CNTLN: variants seen among roughly 807,000 people sequenced by gnomAD.
The protein encoded by CNTLN is centlein, also known as centlein, centrosomal protein.
A neutral mutation model predicts 180.0 loss-of-function variants in CNTLN; 212 were observed. The observed-to-expected ratio is 1.18, with a 90% CI of 1.05 to 1.32. CNTLN has a LOEUF of 1.32. Ranked by LOEUF, CNTLN falls within the 40% of genes most tolerant of loss-of-function variation. The pLI is 0.00. For missense variants in CNTLN, 2,095 were observed against 1,610.9 expected (o/e 1.30, Z -5.14); for synonymous variants, 722 against 563.1 (o/e 1.28, Z -3.99).
At chr9:17,402,646 T>G (rs1328090301) in intron 15 of CNTLN, among the ~76,000 whole-genome samples, 1 of 151,850 alleles carries the variant, frequency 6.6e-6, no homozygotes, top group Non-Finnish European at 1.5e-5. Context: ...GAATAGAATA[T>G]AAAGAATGGC....
intron 5 of CNTLN, among the ~76,000 whole-genome samples, chr9:17,247,825 C>G (rs1437473537): frequency 3.2e-4 from 37 of 114,862 alleles, no homozygotes; most frequent in African/African-American, 1.3e-3. Flanking sequence ...TGTGGTTTCT[C>G]TGTTCTTTCT....
At chr9:17,263,682 C>G (rs905105953) in intron 5 of CNTLN, among the ~76,000 whole-genome samples, 1 of 143,186 alleles carries the variant, frequency 7.0e-6, no homozygotes, top group Non-Finnish European at 1.5e-5. Flanking sequence ...GTTCCTATTT[C>G]TGCACATCCT....
At chr9:17,500,977 A>G (rs1439614944) in intron 25 of CNTLN, among the ~76,000 whole-genome samples, 1 of 152,190 alleles carries the variant, frequency 6.6e-6, no homozygotes, top group African/African-American at 2.4e-5. Flanking sequence ...TGCTTTTATC[A>G]TTATCCTCCA....
Position 17,223,532 on chromosome 9 carries a change from ACATT to A in CNTLN, c.450-2669_450-2666del, listed in dbSNP as rs1463762714. Among the ~76,000 whole-genome samples, 10 of 151,972 alleles carry A rather than the reference ACATT, an allele frequency of 6.6e-5. 1 individual carries two copies. The highest frequency in any genetic ancestry group is 1.2e-4 in the Non-Finnish European group (8 of 67,954). The stretch of plus-strand genomic sequence containing the variant: ...AGTTGTGTAGGCAAAAGCTTGGGAG[ACATT>A]CCTCACTTTTCTATCAAGAAATCCT... On this transcript the variant is annotated intron_variant, in intron 2 of 25. Transcript: ENST00000380647.
At chr9:17,485,410 A>C (rs80079812) in intron 24 of CNTLN, among the ~76,000 whole-genome samples, 4,257 of 152,248 alleles carry the variant, frequency 0.028, 188 homozygotes, top group African/African-American at 0.097. Flanking sequence ...TATTATTTTC[A>C]TCCAGTGGGT....
chr9:17,478,466 A>G (rs1832470392), intron 23 of CNTLN, among the ~76,000 whole-genome samples: 1 of 152,102 alleles, frequency 6.6e-6, no homozygotes, highest in South Asian at 2.1e-4. Flanking sequence ...CATTTCTAAA[A>G]AAATCATTGT....
chr9:17,404,318 G>A (rs141184401), intron 15 of CNTLN, among the ~76,000 whole-genome samples: 1,659 of 151,780 alleles, frequency 0.011, 81 homozygotes, highest in African/African-American at 0.038. Flanking sequence ...TTAGGTTGGC[G>A]TGGCCGCTGT....
chr9:17,348,773 A>G (rs906905751), intron 12 of CNTLN, among the ~76,000 whole-genome samples: 2 of 151,902 alleles, frequency 1.3e-5, no homozygotes, highest in African/African-American at 4.8e-5. Context: ...CAAGTAATCC[A>G]CTTGCCTTGG....
Position 17,308,968 on chromosome 9 carries a change from A to G in CNTLN, c.1147-90A>G, listed in dbSNP as rs1264529824. On this transcript the variant is annotated intron_variant, in intron 7 of 25. Transcript: ENST00000380647. ...GGCAAGAACTGTGTTTATACAGTTC[A>G]TATGTATATATACACACACACACAC... is the stretch of plus-strand genomic sequence containing the variant. 2.4e-5 allele frequency: 14 copies of G among 582,372 alleles called. No individual in the cohort carries two copies. In the East Asian group the frequency reaches 4.2e-4, roughly 18 times the overall value. 36.1% of individuals were successfully genotyped at this position (582,372 alleles called of 1,614,324 possible).
intron 2 of CNTLN, among the ~76,000 whole-genome samples, chr9:17,213,211 C>G (rs1429112095): frequency 1.3e-5 from 2 of 152,204 alleles, no homozygotes; most frequent in Non-Finnish European, 2.9e-5. Context: ...AAATTTCCCT[C>G]TACACACTGC....
intron 6 of CNTLN, among the ~76,000 whole-genome samples, chr9:17,291,765 C>T (rs1829427242): frequency 6.6e-6 from 1 of 152,160 alleles, no homozygotes; most frequent in African/African-American, 2.4e-5. Context: ...ATCCAGCTTG[C>T]CATTCTGTGT....
intron 5 of CNTLN, among the ~76,000 whole-genome samples, chr9:17,268,733 G>C (rs972900549): frequency 3.9e-5 from 6 of 152,022 alleles, no homozygotes; most frequent in African/African-American, 1.4e-4. Context: ...AATCAAGCCT[G>C]GGCAATGGCA....
At position 17,332,688 on chromosome 9, in the gene CNTLN, T is replaced by C; in HGVS notation, c.1602T>C (p.Ala534=). 1 of 1,606,756 alleles carries C rather than the reference T, an allele frequency of 6.2e-7. No individual in the cohort carries two copies. Among genetic ancestry groups the C allele is most frequent in the Non-Finnish European group, 8.5e-7 (1 of 1,177,200 alleles). ...DSEELQKLRK[A]ERKIENLEKA... is the part of the protein sequence containing the mutation. ...AAGAGCTACAGAAGCTGAGAAAAGC[T>C]GAAAGAAAGATTGAAAACTTAGAGA... The change falls in exon 10 of 26, where the codon GCT becomes GCC. Residue 534 remains alanine, a synonymous_variant. Transcript: ENST00000380647.
intron 23 of CNTLN, among the ~76,000 whole-genome samples, chr9:17,476,603 A>G (rs1832362942): frequency 6.6e-6 from 1 of 152,252 alleles, no homozygotes. Flanking sequence ...TGATACACAG[A>G]AAGTTTTAGT....
the CNTLN span, among the ~76,000 whole-genome samples, chr9:17,519,120 G>C: frequency 1.5e-5 from 2 of 133,370 alleles, no homozygotes; most frequent in Non-Finnish European, 3.0e-5. Context: ...TAAAGAGAGG[G>C]CTTCATTATG....
At chr9:17,268,249 C>G (rs1484206648) in intron 5 of CNTLN, among the ~76,000 whole-genome samples, 1 of 152,174 alleles carries the variant, frequency 6.6e-6, no homozygotes, top group African/African-American at 2.4e-5. Context: ...AGTTTTCCTT[C>G]TATCAGACAG....
intron 2 of CNTLN, among the ~76,000 whole-genome samples, chr9:17,180,842 T>C (rs1464697773): frequency 2.0e-5 from 3 of 152,194 alleles, no homozygotes; most frequent in Non-Finnish European, 4.4e-5. Flanking sequence ...TTGATTCTTT[T>C]CTTTTCTTTC....
chr9:17,392,041 A>G (rs1232261502), intron 14 of CNTLN, among the ~76,000 whole-genome samples: 1 of 152,144 alleles, frequency 6.6e-6, no homozygotes, highest in East Asian at 1.9e-4. Flanking sequence ...TTGTATCACC[A>G]AAGTCACTGT....
chr9:17,518,965 C>T, the CNTLN span, among the ~76,000 whole-genome samples: 16 of 152,194 alleles, frequency 1.1e-4, no homozygotes, highest in African/African-American at 3.9e-4. Context: ...TCTCTGTCAC[C>T]CAGGCTTGAG....
Sources: allele counts gnomAD v4.1 joint callset (sites outside exome capture counted in the v4.1 genomes callset), GRCh38; gene constraint gnomAD v4.1.1; transcripts MANE v1.5; gene names NCBI Gene and HGNC (gene_info 2026-07-23, HGNC 2026-07-21).